The following TANC2 variants were observed in gnomAD, a reference collection of about 807,000 sequenced individuals.
TANC2 encodes the protein protein TANC2.
A neutral mutation model predicts 210.5 loss-of-function variants in TANC2; 26 were observed. That is an observed-to-expected ratio of 0.12 (90% confidence interval 0.09 to 0.17). The LOEUF (loss-of-function observed/expected upper bound fraction) is 0.17. TANC2 is among the 10% of genes least tolerant of loss of function. TANC2 has a pLI of 1.00. For synonymous variants in TANC2, 931 were observed against 967.1 expected (o/e 0.96, Z 0.69); for missense variants, 2,129 against 2,608.9 (o/e 0.82, Z 4.01).
intron 4 of TANC2, among the ~76,000 whole-genome samples, chr17:63,107,595 C>T (rs1039533832): frequency 4.6e-5 from 7 of 151,630 alleles, no homozygotes; most frequent in African/African-American, 1.7e-4. Flanking sequence ...TGTTCATCAG[C>T]TGATGAGTGG....
chr17:63,158,469 G>T (rs971628785), intron 5 of TANC2, among the ~76,000 whole-genome samples: 3 of 152,164 alleles, frequency 2.0e-5, no homozygotes, highest in Non-Finnish European at 2.9e-5. Context: ...AGCAAAGAAG[G>T]GACAGAAAGG....
intron 6 of TANC2, among the ~76,000 whole-genome samples, chr17:63,200,061 A>AAAT (rs2041474631): frequency 6.6e-6 from 1 of 151,896 alleles, no homozygotes; most frequent in African/African-American, 2.4e-5. Flanking sequence ...CCTTCCATCT[A>AAAT]AAGAAAATTA....
intron 7 of TANC2, 71 bp downstream of exon 7, chr17:63,201,028 G>A: frequency 7.2e-7 from 1 of 1,393,416 alleles, no homozygotes; most frequent in Non-Finnish European, 9.7e-7. Flanking sequence ...CAAGCTTAAG[G>A]TTTTTAAAAA....
Position 63,248,476 on chromosome 17 carries a change from A to G in TANC2, c.1033+10399A>G, listed in dbSNP as rs1045408414. ...TAAACTTAATTTCTGTGTGACTAAT[A>G]TAATTATTTATTTTAGAGACCAAAT... is the stretch of plus-strand genomic sequence containing the variant. On this transcript the variant is annotated intron_variant, in intron 8 of 27. Coordinates refer to ENST00000689528, the Ensembl canonical transcript of TANC2. 2.4e-4 allele frequency among the ~76,000 whole-genome samples: 36 copies of G among 152,244 alleles called. 1 individual carries two copies. The highest frequency in any genetic ancestry group is 3.4e-3 in the Middle Eastern group (1 of 294).
chr17:63,136,832 A>T (rs1483637225), intron 4 of TANC2, among the ~76,000 whole-genome samples: 1 of 152,176 alleles, frequency 6.6e-6, no homozygotes, highest in Non-Finnish European at 1.5e-5. Flanking sequence ...GACACAAGGT[A>T]TTCTGACTGT....
intron 2 of TANC2, among the ~76,000 whole-genome samples, chr17:63,052,331 A>C (rs1489907255): frequency 2.0e-5 from 3 of 151,820 alleles, no homozygotes; most frequent in Non-Finnish European, 2.9e-5. Flanking sequence ...AATAGTTCAA[A>C]GATTGAGTCC....
intron 2 of TANC2, among the ~76,000 whole-genome samples, chr17:63,039,228 A>G (rs890595103): frequency 6.6e-6 from 1 of 152,180 alleles, no homozygotes; most frequent in Non-Finnish European, 1.5e-5. Flanking sequence ...TCAGTTTAGA[A>G]TTTTAGAAAT....
At chr17:63,426,075 C>T (rs528428610) in exon 28 of TANC2, 39 of 152,386 alleles carry the variant, frequency 2.6e-4, no homozygotes, top group African/African-American at 9.4e-4. Flanking sequence ...CTTGATGCTC[C>T]CAGTGCCCAG....
chr17:63,327,278 T>G (rs1301890061), intron 11 of TANC2, among the ~76,000 whole-genome samples: 1 of 152,254 alleles, frequency 6.6e-6, no homozygotes, highest in Non-Finnish European at 1.5e-5. Context: ...TTGGTGGGAA[T>G]GTAAATTAGT....
At chr17:63,364,133 A>T (rs2047042590) in intron 14 of TANC2, among the ~76,000 whole-genome samples, 1 of 152,250 alleles carries the variant, frequency 6.6e-6, no homozygotes, top group South Asian at 2.1e-4. Flanking sequence ...GTAATGACCC[A>T]ATGTCATGGT....
chr17:63,314,788 G>A (rs2045261565), intron 10 of TANC2, 119 bp downstream of exon 10: 3 of 1,250,336 alleles, frequency 2.4e-6, no homozygotes, highest in Admixed American at 4.4e-5. Flanking sequence ...TTCCACGTGA[G>A]GACTATTCAT....
intron 2 of TANC2, among the ~76,000 whole-genome samples, chr17:63,011,811 G>A (rs1039487572): frequency 1.3e-5 from 2 of 151,690 alleles, no homozygotes; most frequent in Non-Finnish European, 1.5e-5. Flanking sequence ...ATTTCTGTGT[G>A]CTTATGCTGT....
intron 2 of TANC2, among the ~76,000 whole-genome samples, chr17:63,013,536 C>T (rs752867611): frequency 7.9e-5 from 12 of 152,048 alleles, no homozygotes; most frequent in African/African-American, 1.2e-4. Context: ...CCGAGGCAGG[C>T]GGATCACTTG....
chr17:63,006,083 G>A (rs1187386813), intron 1 of TANC2, among the ~76,000 whole-genome samples: 2 of 151,920 alleles, frequency 1.3e-5, no homozygotes, highest in Non-Finnish European at 2.9e-5. Context: ...GTATAAAGTT[G>A]TTCACAATAT....
intron 5 of TANC2, among the ~76,000 whole-genome samples, chr17:63,162,094 C>T (rs1012704708): frequency 3.3e-5 from 5 of 152,036 alleles, no homozygotes; most frequent in Non-Finnish European, 5.9e-5. Context: ...CATTCGAGGC[C>T]GGGAGTTGGA....
At chr17:63,070,190 A>G (rs993040576) in intron 2 of TANC2, among the ~76,000 whole-genome samples, 6 of 152,292 alleles carry the variant, frequency 3.9e-5, no homozygotes, top group East Asian at 1.9e-4. Flanking sequence ...GTTTTCAACA[A>G]TGTTTATTTA....
intron 4 of TANC2, among the ~76,000 whole-genome samples, chr17:63,108,351 CAT>C (rs2037904834): frequency 6.6e-6 from 1 of 151,848 alleles, no homozygotes; most frequent in African/African-American, 2.4e-5. Context: ...TTGATCATTA[CAT>C]ATTATATGCC....
intron 14 of TANC2, among the ~76,000 whole-genome samples, chr17:63,364,996 T>G (rs2047068616): frequency 6.6e-6 from 1 of 152,200 alleles, no homozygotes. Context: ...AAGGGAAATT[T>G]CTTGTACTGA....
chr17:63,390,070 C>A, intron 17 of TANC2: 1 of 164,736 alleles, frequency 6.1e-6, no homozygotes, highest in Non-Finnish European at 1.3e-5. Context: ...AAGGGCACCT[C>A]GAAGTGCTTC....
Sources: allele counts gnomAD v4.1 joint callset (sites outside exome capture counted in the v4.1 genomes callset), GRCh38; gene constraint gnomAD v4.1.1; transcripts MANE v1.5; gene names NCBI Gene and HGNC (gene_info 2026-07-23, HGNC 2026-07-21).